Variants in KIAA1755 observed in about 807,000 individuals in gnomAD.
KIAA1755 encodes KIAA1755.
Under a neutral mutation model 91.7 loss-of-function variants are expected in KIAA1755, and 68 were observed. The observed-to-expected ratio is 0.74, with a 90% CI of 0.61 to 0.91. KIAA1755 has a LOEUF of 0.91. KIAA1755 is among the 40% of genes least tolerant of loss of function. KIAA1755 has a pLI of 0.00. For synonymous variants in KIAA1755, 610 were observed against 604.6 expected (o/e 1.01, Z -0.13); for missense variants, 1,535 against 1,494.4 (o/e 1.03, Z -0.45).
At chr20:38,250,514 G>C (rs868342154) in intron 1 of KIAA1755, among the ~76,000 whole-genome samples, 90 of 141,770 alleles carry the variant, frequency 6.3e-4, no homozygotes, top group African/African-American at 2.4e-3. Flanking sequence ...GTGTGTGTCT[G>C]TGTGTGTGTG....
rs760565732 is a variant in KIAA1755 at position 38,240,616 on chromosome 20, A to G, written c.1515T>C (p.Ser505=). Residue 505 remains serine (S), a synonymous_variant, in exon 3 of 14, where the codon TCT becomes TCC. Coordinates refer to ENST00000279024, the MANE Select transcript of KIAA1755 (RefSeq NM_001029864.2). ...AAGATTTGGCTCGGTTGGGTTTAGGAGAGTAGAGGGAACACAGGACTTTCC... is the reference window on the plus strand; with the variant it reads ...AAGATTTGGCTCGGTTGGGTTTAGGGGAGTAGAGGGAACACAGGACTTTCC... ...GPWKVLCSLY[S]PKPNRAKSLG... is the part of the protein sequence containing the mutation. 36 of 1,503,634 alleles carry G rather than the reference A, an allele frequency of 2.4e-5. No homozygotes were observed. In the Admixed American group the frequency reaches 8.4e-4, roughly 35 times the overall value. 93.1% of individuals were successfully genotyped at this position (1,503,634 alleles called of 1,614,324 possible). A position where few individuals can be genotyped will look rare whatever the true frequency, so the allele number is the denominator to read the frequency against.
At chr20:38,252,218 G>T (rs375207281) in intron 1 of KIAA1755, among the ~76,000 whole-genome samples, 9 of 152,092 alleles carry the variant, frequency 5.9e-5, no homozygotes, top group African/African-American at 1.2e-4. Flanking sequence ...AAAGTCAAAG[G>T]CATGGCCGCT....
Position 38,241,211 on chromosome 20 carries a change from T to G in KIAA1755, c.920A>C (p.Glu307Ala). 1 of 1,614,116 alleles carries G rather than the reference T, an allele frequency of 6.2e-7. No homozygotes were observed. The highest frequency in any genetic ancestry group is 8.5e-7 in the Non-Finnish European group (1 of 1,180,012). Residue 307 changes from glutamate to alanine, a missense_variant, in exon 3 of 14, where the codon GAG becomes GCG. Glu to Ala is a moderately radical substitution (Grantham distance 107, BLOSUM62 -1). Transcript: ENST00000279024. ...GGGAGTTTCCTTAGTTCCAGCTATCTCCTCTAGTGCCCCAGAAGTACACCC... is the reference window on the plus strand; with the variant it reads ...GGGAGTTTCCTTAGTTCCAGCTATCGCCTCTAGTGCCCCAGAAGTACACCC... ...SSGCTSGALE[E>A]IAGTKETPLF...
intron 2 of KIAA1755, 106 bp from the exon 3 acceptor site, chr20:38,242,035 T>A: frequency 1.7e-6 from 2 of 1,169,204 alleles, no homozygotes; most frequent in Non-Finnish European, 2.4e-6. Context: ...GGTCAGGGAC[T>A]AGGATGAGGC....
In KIAA1755 at chr20:38,245,961, G is replaced by T. The variant is rs775765046; in HGVS notation, c.169C>A (p.Arg57Ser). The T allele has an allele frequency of 3.1e-6, 5 of 1,613,988 alleles. No individual in the cohort carries two copies. Among genetic ancestry groups the T allele is most frequent in the Non-Finnish European group, 4.2e-6 (5 of 1,180,034 alleles). The stretch of plus-strand genomic sequence containing the variant: ...GCTTCTCGCACTTGCTCACACAGGC[G>T]CTTGGCAGGGATCAGGAAATCCAGA... Reference protein sequence around the residue: ...FLLDFLIPAKRLCEQVREAAC... With the variant: ...FLLDFLIPAKSLCEQVREAAC... Residue 57 changes from arginine to serine, a missense_variant, in exon 2 of 14, where the codon CGC (arginine) becomes AGC (serine). Physicochemically the swap from Arg to Ser is moderately radical, Grantham distance 110. Transcript: ENST00000279024.
At chr20:38,250,390 G>A (rs1934920) in intron 1 of KIAA1755, among the ~76,000 whole-genome samples, 5,912 of 152,014 alleles carry the variant, frequency 0.039, 159 homozygotes, top group African/African-American at 0.068. Context: ...TAATACATGC[G>A]AATTCTCTGC....
At chr20:38,253,605 A>G (rs769543652) in intron 1 of KIAA1755, among the ~76,000 whole-genome samples, 2 of 152,186 alleles carry the variant, frequency 1.3e-5, no homozygotes, top group African/African-American at 4.8e-5. Context: ...GAATAAAACC[A>G]TGTAAGCCTA....
rs181665531 is a variant in KIAA1755 at position 38,212,935 on chromosome 20, C to T, written c.*107G>A. 546 of 813,242 alleles carry T rather than the reference C, an allele frequency of 6.7e-4. 5 individuals are homozygous for T. The East Asian group carries it at 0.014, about 21-fold the overall frequency. 50.4% of individuals were successfully genotyped at this position (813,242 alleles called of 1,614,324 possible). On this transcript the variant is annotated 3_prime_UTR_variant, in exon 14 of 14. Coordinates refer to ENST00000279024, the MANE Select transcript of KIAA1755 (RefSeq NM_001029864.2). ...GCAGAGGCAGAATGTAAAACCAGTG[C>T]TCCATGGTGACGTCTCACTGGGACT...
chr20:38,236,677 C>G (rs949098839), intron 4 of KIAA1755: 9 of 152,308 alleles, frequency 5.9e-5, no homozygotes, highest in Admixed American at 3.3e-4. Context: ...TGAGAATCGA[C>G]CCCTGGATCT....
intron 4 of KIAA1755, among the ~76,000 whole-genome samples, chr20:38,238,519 G>A (rs556347303): frequency 7.2e-5 from 11 of 152,168 alleles, no homozygotes; most frequent in South Asian, 6.2e-4. Context: ...TGGGCTTTAC[G>A]TTACTTCCTC....
chr20:38,219,934 G>A (rs1198454008), intron 10 of KIAA1755, among the ~76,000 whole-genome samples, 166 bp from the exon 11 acceptor site: 1 of 152,204 alleles, frequency 6.6e-6, no homozygotes, highest in African/African-American at 2.4e-5. Context: ...CTCAGCCTTG[G>A]TCTTCCATGG....
chr20:38,246,563 G>A (rs921830360), intron 1 of KIAA1755, among the ~76,000 whole-genome samples: 8 of 152,336 alleles, frequency 5.3e-5, no homozygotes, highest in East Asian at 1.9e-4. Flanking sequence ...GCTGAGCCAC[G>A]AGGGAAGCCC....
At chr20:38,231,355 G>A in intron 4 of KIAA1755, 30 bp from the exon 5 acceptor site, 1 of 1,584,026 alleles carries the variant, frequency 6.3e-7, no homozygotes. Context: ...CGTGAGCAGT[G>A]AGAACTTGTG....
At chr20:38,218,465 C>T (rs2075593475) in intron 11 of KIAA1755, 99 bp from the exon 12 acceptor site, 1 of 1,497,604 alleles carries the variant, frequency 6.7e-7, no homozygotes, top group Non-Finnish European at 9.0e-7. Flanking sequence ...TCTGTCTTCA[C>T]TCATTCAGTG....
In KIAA1755 at chr20:38,246,059, G is replaced by C; in HGVS notation, c.71C>G (p.Thr24Arg). The stretch of plus-strand genomic sequence containing the variant: ...CACCTGACCCAGGACGGTGGGTGCT[G>C]TGGCCTCGAAAGGAGGATAGAGGCC... ...LAGLYPPFEA[T>R]APTVLGQVFR... Residue 24 changes from threonine (T) to arginine (R), a missense_variant, in exon 2 of 14, where the codon ACA becomes AGA. Physicochemically the swap from Thr to Arg is moderately conservative, Grantham distance 71. Coordinates refer to ENST00000279024, the MANE Select transcript of KIAA1755 (RefSeq NM_001029864.2). 1 of 1,614,172 alleles carries C rather than the reference G, an allele frequency of 6.2e-7. No individual in the cohort carries two copies. The highest frequency in any genetic ancestry group is 8.5e-7 in the Non-Finnish European group (1 of 1,180,036).
rs746692436 is a variant in KIAA1755 at position 38,240,958 on chromosome 20, G to A, written c.1173C>T (p.Val391=). The change falls in exon 3 of 14, where the codon GTC becomes GTT. Residue 391 remains valine (V), a synonymous_variant. Transcript: ENST00000279024. The stretch of plus-strand genomic sequence containing the variant: ...TCTTGGAGGCAGCTGGCTCTTGTGA[G>A]ACACCTGCCCTGAGACCAGAGGCAC... ...LDCASGLRAG[V]SQEPAASKMQ... is the part of the protein sequence containing the mutation. 7.4e-6 allele frequency: 12 copies of A among 1,613,910 alleles called. No individual in the cohort carries two copies. The highest frequency in any genetic ancestry group is 1.3e-5 in the African/African-American group (1 of 74,912).
rs774416637 is a variant in KIAA1755, at chr20:38,217,484, G to A, written c.2680-10C>T. On this transcript the variant is annotated splice_polypyrimidine_tract_variant and intron_variant, in intron 12 of 13. Coordinates refer to ENST00000279024, the MANE Select transcript of KIAA1755 (RefSeq NM_001029864.2). ...CTCGGCGGTACTGGGCCTGAGAGGGGAGAGGAGGGGGCGCCCACTCAGCAC... is the reference window on the plus strand; with the variant it reads ...CTCGGCGGTACTGGGCCTGAGAGGGAAGAGGAGGGGGCGCCCACTCAGCAC... 2.1e-5 allele frequency: 33 copies of A among 1,583,942 alleles called. No individual in the cohort carries two copies. The African/African-American group carries it at 4.0e-4, about 19-fold the overall frequency.
chr20:38,221,423 C>T (rs909014256), intron 10 of KIAA1755, among the ~76,000 whole-genome samples: 1 of 152,130 alleles, frequency 6.6e-6, no homozygotes, highest in Admixed American at 6.5e-5. Context: ...TGACCCCATA[C>T]CAGTGCTGCC....
At chr20:38,257,739 T>A (rs1805438042) in intron 1 of KIAA1755, among the ~76,000 whole-genome samples, 1 of 152,092 alleles carries the variant, frequency 6.6e-6, no homozygotes, top group Non-Finnish European at 1.5e-5. Context: ...AATACCTCAG[T>A]CTGGAGCCAG....
Sources: gnomAD v4.1 joint callset for allele counts (sites outside exome capture counted in the v4.1 genomes callset) on GRCh38, gnomAD v4.1.1 for gene constraint, MANE v1.5 for transcripts, NCBI Gene and HGNC (gene_info 2026-07-23, HGNC 2026-07-21) for gene names.